OPN5: variants seen among roughly 807,000 people sequenced by gnomAD.
OPN5 encodes opsin 5.
OPN5 carries 18 observed loss-of-function variants against 41.7 expected under a neutral mutation model. The observed-to-expected ratio is 0.43, with a 90% CI of 0.30 to 0.64. The LOEUF (loss-of-function observed/expected upper bound fraction) is 0.64. OPN5 is among the 30% of genes least tolerant of loss of function. OPN5 has a pLI of 0.13. For synonymous variants in OPN5, 178 were observed against 164.3 expected (o/e 1.08, Z -0.64); for missense variants, 318 against 434.5 (o/e 0.73, Z 2.38).
chr6:47,790,963 T>C (rs1417445523), intron 2 of OPN5, among the ~76,000 whole-genome samples: 1 of 152,164 alleles, frequency 6.6e-6, no homozygotes, highest in East Asian at 1.9e-4. Context: ...AATTCCCCTT[T>C]TCATTATAAG....
At chr6:47,813,994 A>C (rs1762350027) in intron 6 of OPN5, among the ~76,000 whole-genome samples, 2 of 152,158 alleles carry the variant, frequency 1.3e-5, no homozygotes, top group Admixed American at 1.3e-4. Context: ...CAAAACCGGT[A>C]GTTAAAAATA....
chr6:47,802,180 C>T (rs1403278924), intron 4 of OPN5, among the ~76,000 whole-genome samples: 1 of 152,162 alleles, frequency 6.6e-6, no homozygotes, highest in Non-Finnish European at 1.5e-5. Flanking sequence ...GGCACCAGCC[C>T]TCAGTGTGTC....
chr6:47,813,656 G>A (rs980963440), intron 6 of OPN5, among the ~76,000 whole-genome samples: 1 of 152,140 alleles, frequency 6.6e-6, no homozygotes, highest in African/African-American at 2.4e-5. Flanking sequence ...CTGCATGAGA[G>A]TGGGGAATCA....
chr6:47,790,504 C>T (rs1194224510), intron 2 of OPN5, among the ~76,000 whole-genome samples: 1 of 152,122 alleles, frequency 6.6e-6, no homozygotes, highest in African/African-American at 2.4e-5. Context: ...AATTATCCTC[C>T]CTCCTTCACC....
chr6:47,821,852 T>C (rs994150406), intron 6 of OPN5, among the ~76,000 whole-genome samples: 4 of 152,116 alleles, frequency 2.6e-5, no homozygotes, highest in Non-Finnish European at 5.9e-5. Context: ...TGGTGGCTCA[T>C]ACCTGTAATC....
intron 2 of OPN5, 135 bp downstream of exon 2, chr6:47,786,769 T>G: frequency 1.3e-6 from 1 of 745,000 alleles, no homozygotes; most frequent in Non-Finnish European, 2.1e-6. Context: ...CAAATCAACT[T>G]TCAGAGTTTT....
intron 3 of OPN5, 162 bp from the exon 4 acceptor site, chr6:47,795,067 C>T: frequency 1.7e-6 from 1 of 587,178 alleles, no homozygotes; most frequent in Admixed American, 3.1e-5. Context: ...AGCTCTGGAA[C>T]TTTTTTCCGT....
intron 4 of OPN5, among the ~76,000 whole-genome samples, chr6:47,795,778 T>TCTCACACA (rs766899041): frequency 4.2e-5 from 6 of 142,800 alleles, no homozygotes; most frequent in African/African-American, 1.1e-4. Flanking sequence ...TCTCTCTCTC[T>TCTCACACA]CACACACACA....
At chr6:47,810,884 G>A (rs1045500874) in intron 5 of OPN5, among the ~76,000 whole-genome samples, 16 of 152,156 alleles carry the variant, frequency 1.1e-4, no homozygotes, top group African/African-American at 3.1e-4. Context: ...GACACCTGGG[G>A]AATTTTGAAA....
At chr6:47,794,500 C>T (rs552986192) in intron 3 of OPN5, among the ~76,000 whole-genome samples, 7 of 152,124 alleles carry the variant, frequency 4.6e-5, no homozygotes, top group East Asian at 1.9e-4. Flanking sequence ...CTATTTCCTC[C>T]GCTTGGAATT....
chr6:47,792,685 CTTTAAG>C (rs1773417590), intron 3 of OPN5, among the ~76,000 whole-genome samples: 2 of 152,150 alleles, frequency 1.3e-5, no homozygotes, highest in African/African-American at 4.8e-5. Flanking sequence ...GCATTTGGGT[CTTTAAG>C]TTTAATATTG....
exon 7 of OPN5, chr6:47,824,066 A>G: frequency 4.0e-6 from 5 of 1,247,226 alleles, no homozygotes; most frequent in Non-Finnish European, 5.7e-6. Flanking sequence ...ATTAGCTTAC[A>G]AATGTTATTT....
At chr6:47,806,683 T>A (rs576548230) in intron 4 of OPN5, among the ~76,000 whole-genome samples, 1 of 152,226 alleles carries the variant, frequency 6.6e-6, no homozygotes, top group Non-Finnish European at 1.5e-5. Flanking sequence ...GCAAGCTCAA[T>A]AATGCCATAC....
At chr6:47,787,870 C>G (rs1157196684) in intron 2 of OPN5, among the ~76,000 whole-genome samples, 1 of 152,108 alleles carries the variant, frequency 6.6e-6, no homozygotes, top group Non-Finnish European at 1.5e-5. Context: ...GCACTCCAGC[C>G]TGGGTGAAAA....
chr6:47,824,114 G>GA (rs1053367823), exon 7 of OPN5: 1 of 750,508 alleles, frequency 1.3e-6, no homozygotes, highest in East Asian at 2.7e-5. Flanking sequence ...ACCCTGTCAG[G>GA]AAAAAATAAT....
At chr6:47,792,029 G>A (rs750931589) in intron 3 of OPN5, 57 bp downstream of exon 3, 2 of 1,239,196 alleles carry the variant, frequency 1.6e-6, no homozygotes, top group Non-Finnish European at 2.3e-6. Flanking sequence ...TTGAGTGTTA[G>A]AACTGTACAT....
intron 6 of OPN5, among the ~76,000 whole-genome samples, chr6:47,815,680 C>T (rs1422990373): frequency 6.6e-6 from 1 of 152,032 alleles, no homozygotes; most frequent in East Asian, 1.9e-4. Context: ...AAATATAAGA[C>T]CCACAGGGAA....
chr6:47,810,478 T>C (rs1007844252), intron 5 of OPN5, among the ~76,000 whole-genome samples: 6 of 143,730 alleles, frequency 4.2e-5, no homozygotes, highest in African/African-American at 1.5e-4. Context: ...TTAAGTGATG[T>C]GAAGCTAGTT....
At chr6:47,786,988 C>T (rs1206463000) in intron 2 of OPN5, 1 of 845,708 alleles carries the variant, frequency 1.2e-6, no homozygotes, top group Non-Finnish European at 1.4e-6. Flanking sequence ...AGCTTCTTTA[C>T]ACCTCTTCAA....
Sources: allele counts gnomAD v4.1 joint callset (sites outside exome capture counted in the v4.1 genomes callset), GRCh38; gene constraint gnomAD v4.1.1; transcripts MANE v1.5; gene names NCBI Gene and HGNC (gene_info 2026-07-23, HGNC 2026-07-21).